The following RGPD2 variants were observed in gnomAD, a reference collection of about 807,000 sequenced individuals.
RGPD2 encodes the protein RANBP2 like and GRIP domain containing 2.
In RGPD2, 2 loss-of-function variants were observed where a neutral mutation model predicts 36.0. The ratio of observed to expected loss-of-function variants is 0.06; its 90% CI spans 0.02 to 0.17. The LOEUF (loss-of-function observed/expected upper bound fraction) is 0.17, where lower values mean the gene tolerates loss of function less well. Among genes scored for constraint, RGPD2 ranks in the 10% least tolerant of loss-of-function variants. RGPD2 has a pLI of 1.00. For missense variants in RGPD2, 40 were observed against 464.3 expected, an observed-to-expected ratio of 0.09 and a Z score of 8.40; for synonymous variants, 19 against 163.8, an observed-to-expected ratio of 0.12 and a Z score of 6.75.
chr2:87,833,076 TCACAATGAGA>T, the RGPD2 span, among the ~76,000 whole-genome samples: 1 of 151,480 alleles, frequency 6.6e-6, no homozygotes, highest in South Asian at 2.1e-4. Context: ...GAAAATAGAA[TCACAATGAGA>T]CACTACTACA....
chr2:87,914,287 T>C, the RGPD2 span, among the ~76,000 whole-genome samples: 4 of 102,024 alleles, frequency 3.9e-5, no homozygotes, highest in East Asian at 1.0e-3. Context: ...ACCTATACAA[T>C]TGTAAATTAA....
the RGPD2 span, among the ~76,000 whole-genome samples, chr2:87,960,108 A>G: frequency 1.2e-3 from 168 of 144,230 alleles, no homozygotes; most frequent in African/African-American, 4.1e-3. Context: ...GAGCCTTTTA[A>G]ACATAGTCGT....
the RGPD2 span, among the ~76,000 whole-genome samples, chr2:87,980,395 T>TA: frequency 1.8e-3 from 136 of 74,684 alleles, no homozygotes; most frequent in African/African-American, 5.9e-3. Flanking sequence ...TGGAACCTGA[T>TA]ACGATTGAGA....
At chr2:87,955,263 C>T in the RGPD2 span, among the ~76,000 whole-genome samples, 390 of 148,688 alleles carry the variant, frequency 2.6e-3, 5 homozygotes, top group Middle Eastern at 0.027. Flanking sequence ...ATCCACCCCC[C>T]CACAGCCTCC....
the RGPD2 span, among the ~76,000 whole-genome samples, chr2:87,988,237 C>T: frequency 4.2e-5 from 5 of 119,094 alleles, no homozygotes; most frequent in Non-Finnish European, 1.8e-5. Context: ...GAAATATTCT[C>T]CTCTAGCATT....
the RGPD2 span, among the ~76,000 whole-genome samples, chr2:87,857,894 TCTGAG>T: frequency 6.6e-6 from 1 of 152,212 alleles, no homozygotes. Flanking sequence ...CTTGTACTTT[TCTGAG>T]TAGATACTGT....
the RGPD2 span, among the ~76,000 whole-genome samples, chr2:87,844,434 C>A: frequency 2.0e-5 from 3 of 151,024 alleles, no homozygotes; most frequent in Non-Finnish European, 3.0e-5. Flanking sequence ...ATAATGTAGT[C>A]AAGGACTCGG....
At chr2:87,874,042 C>A in the RGPD2 span, among the ~76,000 whole-genome samples, 1 of 151,136 alleles carries the variant, frequency 6.6e-6, no homozygotes, top group Non-Finnish European at 1.5e-5. Flanking sequence ...TGAGAAGTGT[C>A]TGTTCATGTC....
At chr2:87,853,454 C>T in the RGPD2 span, among the ~76,000 whole-genome samples, 1 of 151,816 alleles carries the variant, frequency 6.6e-6, no homozygotes, top group South Asian at 2.1e-4. Flanking sequence ...GAACTCCTAG[C>T]CTCAAGCGGT....
chr2:87,952,825 G>A, the RGPD2 span, among the ~76,000 whole-genome samples: 4 of 151,762 alleles, frequency 2.6e-5, no homozygotes, highest in Non-Finnish European at 1.5e-5. Flanking sequence ...TTTGTTTCAT[G>A]TTGCACTTAT....
In RGPD2 at chr2:87,756,252, T is replaced by TGAG. The variant is rs1170851843; in HGVS notation, c.*1137_*1139dup. ...GTGAGTTGGTTGAGTGGAAGCTGGTTGAGAACTTTTACTGCAAACCATTTA... is the reference window on the plus strand; with the variant it reads ...GTGAGTTGGTTGAGTGGAAGCTGGTTGAGGAGAACTTTTACTGCAAACCATTTA... On this transcript the variant is annotated 3_prime_UTR_variant, in exon 23 of 23. Transcript: ENST00000398146. 2 of 60,708 alleles carry TGAG rather than the reference T, an allele frequency of 3.3e-5. No homozygotes were observed. Among genetic ancestry groups the TGAG allele is most frequent in the Non-Finnish European group, 6.8e-5 (2 of 29,362 alleles). The allele number at this position is 60,708 out of a possible 1,614,324, so 3.8% of individuals were successfully genotyped here. A position where few individuals can be genotyped will look rare whatever the true frequency, so the allele number is the denominator to read the frequency against.
intron 8 of RGPD2, among the ~76,000 whole-genome samples, chr2:87,798,583 C>T (rs1685775580): frequency 3.4e-5 from 1 of 29,634 alleles, no homozygotes; most frequent in Non-Finnish European, 6.6e-5. Context: ...CGGCTGGGCA[C>T]GGTGGCTCAT....
chr2:87,927,496 C>T, the RGPD2 span, among the ~76,000 whole-genome samples: 1 of 149,838 alleles, frequency 6.7e-6, no homozygotes, highest in African/African-American at 2.5e-5. Context: ...AGAGATGTGT[C>T]TGCTATGTAC....
the RGPD2 span, among the ~76,000 whole-genome samples, chr2:87,836,502 A>G: frequency 6.6e-6 from 1 of 151,632 alleles, no homozygotes; most frequent in African/African-American, 2.4e-5. Context: ...TAGCCAAACT[A>G]CACTTCATAA....
chr2:87,986,279 C>T, the RGPD2 span, among the ~76,000 whole-genome samples: 10 of 150,756 alleles, frequency 6.6e-5, no homozygotes, highest in Admixed American at 6.0e-4. Flanking sequence ...GGATTACAGG[C>T]GTCTGCCACT....
At chr2:87,945,761 G>T in the RGPD2 span, among the ~76,000 whole-genome samples, 1 of 152,292 alleles carries the variant, frequency 6.6e-6, no homozygotes, top group South Asian at 2.1e-4. Context: ...GCACCCGCCA[G>T]CACGGCGGTT....
chr2:87,909,210 G>C, the RGPD2 span, among the ~76,000 whole-genome samples: 28 of 152,136 alleles, frequency 1.8e-4, no homozygotes, highest in Admixed American at 3.3e-4. Context: ...CACAGTCAGA[G>C]GGAATGTAGG....
At chr2:87,916,782 C>G in the RGPD2 span, among the ~76,000 whole-genome samples, 3 of 150,644 alleles carry the variant, frequency 2.0e-5, no homozygotes, top group Non-Finnish European at 4.4e-5. Flanking sequence ...AACCATGAGC[C>G]AATTAAACCT....
the RGPD2 span, among the ~76,000 whole-genome samples, chr2:87,853,870 T>G: frequency 6.6e-6 from 1 of 152,176 alleles, no homozygotes; most frequent in Non-Finnish European, 1.5e-5. Context: ...AGGCCTAGGC[T>G]GACTATTTGT....
Sources: allele counts gnomAD v4.1 joint callset (sites outside exome capture counted in the v4.1 genomes callset), GRCh38; gene constraint gnomAD v4.1.1; transcripts MANE v1.5; gene names NCBI Gene and HGNC (gene_info 2026-07-23, HGNC 2026-07-21).